MEIS1: variants seen among roughly 807,000 people sequenced by gnomAD.
The protein encoded by MEIS1 is homeobox protein Meis1.
A neutral mutation model predicts 50.8 loss-of-function variants in MEIS1; 5 were observed. That is an observed-to-expected ratio of 0.10 (90% CI 0.05 to 0.21). The LOEUF is 0.21. Among genes scored for constraint, MEIS1 ranks in the 10% least tolerant of loss-of-function variants. The pLI is 1.00. For missense variants in MEIS1, 318 were observed against 517.3 expected, an observed-to-expected ratio of 0.61 and a Z score of 3.74; for synonymous variants, 176 against 179.3, an observed-to-expected ratio of 0.98 and a Z score of 0.15.
chr2:66,468,629 A>C (rs1461882566), intron 7 of MEIS1, among the ~76,000 whole-genome samples: 1 of 152,172 alleles, frequency 6.6e-6, no homozygotes, highest in Non-Finnish European at 1.5e-5. Flanking sequence ...CCAAGCTCCT[A>C]ACTATGACAT....
At chr2:66,473,402 A>G (rs1672816258) in intron 7 of MEIS1, among the ~76,000 whole-genome samples, 1 of 139,378 alleles carries the variant, frequency 7.2e-6, no homozygotes, top group Non-Finnish European at 1.5e-5. Flanking sequence ...AAAAAAATAT[A>G]TATATATATA....
intron 7 of MEIS1, among the ~76,000 whole-genome samples, chr2:66,510,594 T>A (rs1446957809): frequency 1.3e-5 from 2 of 152,218 alleles, no homozygotes; most frequent in Non-Finnish European, 2.9e-5. Flanking sequence ...TTTGCATTTA[T>A]AGCATATTCT....
chr2:66,551,331 T>G (rs1373723167), intron 9 of MEIS1, among the ~76,000 whole-genome samples: 1 of 152,132 alleles, frequency 6.6e-6, no homozygotes, highest in Non-Finnish European at 1.5e-5. Context: ...ACATGGGATT[T>G]GAGGGGAGAA....
intron 8 of MEIS1, among the ~76,000 whole-genome samples, chr2:66,530,846 T>C (rs76227827): frequency 0.012 from 1,764 of 152,364 alleles, 36 homozygotes; most frequent in African/African-American, 0.04. Context: ...TTGGAGGAAG[T>C]TAACATGCAG....
intron 2 of MEIS1, 157 bp from the exon 3 acceptor site, chr2:66,439,686 G>C: frequency 6.5e-7 from 1 of 1,541,440 alleles, no homozygotes; most frequent in Non-Finnish European, 8.7e-7. Context: ...GCGGTCACCT[G>C]GGTCTGGGGG....
intron 7 of MEIS1, among the ~76,000 whole-genome samples, chr2:66,477,670 TG>T (rs1672925657): frequency 6.6e-6 from 1 of 152,236 alleles, no homozygotes; most frequent in South Asian, 2.1e-4. Context: ...ATCAGTTTAC[TG>T]CTCTGAAAAT....
In MEIS1 at chr2:66,541,010, C is replaced by CATTTT. The variant is rs1033517510; in HGVS notation, c.889-6914_889-6910dup. On this transcript the variant is annotated intron_variant, in intron 8 of 12. Transcript: ENST00000272369. The stretch of plus-strand genomic sequence containing the variant: ...GATCAGATAAGTGAGGCAGGGAGGG[C>CATTTT]ATTTTATTTTATTTTATTTTATTAT... 4.0e-5 allele frequency among the ~76,000 whole-genome samples: 6 copies of CATTTT among 151,568 alleles called. No homozygotes were observed. The East Asian group carries it at 9.7e-4, about 24-fold the overall frequency.
chr2:66,490,666 G>A (rs1272751170), intron 7 of MEIS1, among the ~76,000 whole-genome samples: 2 of 152,054 alleles, frequency 1.3e-5, no homozygotes, highest in Non-Finnish European at 2.9e-5. Flanking sequence ...TCTGGGTTGT[G>A]ATTCACAGAG....
intron 3 of MEIS1, 55 bp from the exon 4 acceptor site, chr2:66,440,507 T>A: frequency 6.7e-7 from 1 of 1,503,462 alleles, no homozygotes; most frequent in South Asian, 1.2e-5. Context: ...ATTTCAAATT[T>A]TTCTTTCTTT....
At chr2:66,542,469 G>A (rs574013573) in intron 8 of MEIS1, among the ~76,000 whole-genome samples, 2 of 147,770 alleles carry the variant, frequency 1.4e-5, no homozygotes, top group Non-Finnish European at 3.0e-5. Flanking sequence ...GCCTGGATAA[G>A]GCTTATATTG....
At chr2:66,567,603 T>C in intron 10 of MEIS1, 92 bp downstream of exon 10, 1 of 1,166,054 alleles carries the variant, frequency 8.6e-7, no homozygotes, top group East Asian at 2.5e-5. Flanking sequence ...GTAAATAAAC[T>C]GGGAGTGAGT....
In MEIS1 at chr2:66,435,534, T is replaced by C. The variant is rs943881657; in HGVS notation, c.-323T>C. 1 of 393,588 alleles carries C rather than the reference T, an allele frequency of 2.5e-6. No homozygotes were observed. The highest frequency in any genetic ancestry group is 4.4e-6 in the Non-Finnish European group (1 of 225,590). The allele number at this position is 393,588 out of a possible 1,614,324, so 24.4% of individuals were successfully genotyped here. A position where few individuals can be genotyped will look rare whatever the true frequency, so the allele number is the denominator to read the frequency against. On this transcript the variant is annotated 5_prime_UTR_variant, in exon 1 of 13. Transcript: ENST00000272369. ...GTAGTTGGGTCTGAGGGGCGCTCTT[T>C]TTTTTCCTTTTCTTTCTTTCTTTCT... is the stretch of plus-strand genomic sequence containing the variant.
rs561062137 is a variant in MEIS1, at chr2:66,477,226, T to A, written c.742+13006T>A. On this transcript the variant is annotated intron_variant, in intron 7 of 12. Coordinates refer to ENST00000272369, the MANE Select transcript of MEIS1 (RefSeq NM_002398.3). The stretch of plus-strand genomic sequence containing the variant: ...AGTTATTCAGAAATGTTGCAGAACT[T>A]TACTTAGGCAGAGGGAGGAGGCTAG... Among the ~76,000 whole-genome samples the A allele has an allele frequency of 9.2e-5, 14 of 152,106 alleles. No homozygotes were observed. In the East Asian group the frequency reaches 2.7e-3, roughly 29 times the overall value.
intron 6 of MEIS1, among the ~76,000 whole-genome samples, chr2:66,448,691 A>G (rs1442769033): frequency 6.6e-6 from 1 of 152,182 alleles, no homozygotes; most frequent in African/African-American, 2.4e-5. Context: ...TTAATAAATG[A>G]TCATTTAATC....
chr2:66,497,391 C>A (rs1007696890), intron 7 of MEIS1, among the ~76,000 whole-genome samples: 1 of 152,046 alleles, frequency 6.6e-6, no homozygotes, highest in African/African-American at 2.4e-5. Context: ...GATCAAAGAT[C>A]AATGCCAATC....
intron 6 of MEIS1, among the ~76,000 whole-genome samples, chr2:66,447,885 A>G (rs1672190023): frequency 6.6e-6 from 1 of 152,148 alleles, no homozygotes. Context: ...TGCAAGTTGC[A>G]TGAATAATGG....
intron 6 of MEIS1, among the ~76,000 whole-genome samples, chr2:66,456,738 G>T (rs1672398729): frequency 6.6e-6 from 1 of 152,254 alleles, no homozygotes; most frequent in African/African-American, 2.4e-5. Context: ...AGTTGGTGGA[G>T]AAAGTGGATA....
rs138222043 is a variant in MEIS1 at position 66,549,565 on chromosome 2, A to T, written c.965+1546A>T. ...TATCCTGGATGATATTATAGGGGAG[A>T]CCATCAATTTTGCGTGCACATCTAG... On this transcript the variant is annotated intron_variant, in intron 9 of 12. Transcript: ENST00000272369. Among the ~76,000 whole-genome samples the T allele has an allele frequency of 1.2e-3, 185 of 152,094 alleles. 1 individual carries two copies. Among genetic ancestry groups the T allele is most frequent in the Non-Finnish European group, 1.8e-3 (120 of 67,978 alleles).
At chr2:66,480,343 A>G (rs1375093034) in intron 7 of MEIS1, among the ~76,000 whole-genome samples, 2 of 152,210 alleles carry the variant, frequency 1.3e-5, no homozygotes, top group Non-Finnish European at 2.9e-5. Context: ...AGCTGTGGCC[A>G]TAATGAAACC....
Sources: gnomAD v4.1 joint callset for allele counts (sites outside exome capture counted in the v4.1 genomes callset) on GRCh38, gnomAD v4.1.1 for gene constraint, MANE v1.5 for transcripts, NCBI Gene and HGNC (gene_info 2026-07-23, HGNC 2026-07-21) for gene names.